The following APC2 variants were observed in gnomAD, a reference collection of about 807,000 sequenced individuals.
APC2 encodes the protein adenomatous polyposis coli protein 2.
A neutral mutation model predicts 72.5 loss-of-function variants in APC2; 41 were observed. The ratio of observed to expected loss-of-function variants is 0.57; its 90% confidence interval spans 0.44 to 0.73. The LOEUF is 0.73. Among genes scored for constraint, APC2 ranks in the 30% least tolerant of loss-of-function variants. The probability of loss-of-function intolerance (pLI) is 0.00; values close to 1 mark genes in which losing one functional copy is unlikely to be tolerated. For synonymous variants in APC2, 1,898 were observed against 1,612.0 expected (o/e 1.18, Z -4.25); for missense variants, 3,729 against 3,403.4 (o/e 1.10, Z -2.38).
intron 8 of APC2, 59 bp downstream of exon 8, chr19:1,456,463 G>A (rs2083829107): frequency 6.8e-7 from 1 of 1,475,630 alleles, no homozygotes; most frequent in African/African-American, 1.4e-5. Context: ...GGGGGATCAG[G>A]TCTGCATCCT....
Position 1,468,083 on chromosome 19 carries a change from G to T in APC2, c.4782G>T (p.Pro1594=), listed in dbSNP as rs1393018745. The change falls in exon 15 of 15, where the codon CCG becomes CCT. Residue 1594 remains proline, a synonymous_variant. Transcript: ENST00000590469. ...TCAGCGAGCCCGAGCCCTCGGAGCC[G>T]CCGGCCGTCCATCCACGAGGCCGGG... ...SSLSEPEPSE[P]PAVHPRGREP... 3 of 1,549,016 alleles carry T rather than the reference G, an allele frequency of 1.9e-6. No individual in the cohort carries two copies. Among genetic ancestry groups the T allele is most frequent in the Non-Finnish European group, 2.6e-6 (3 of 1,157,092 alleles).
intron 14 of APC2, 65 bp downstream of exon 14, chr19:1,462,242 G>C (rs1290848979): frequency 1.4e-6 from 2 of 1,428,700 alleles, no homozygotes; most frequent in East Asian, 2.5e-5. Context: ...GGGCTGGGCT[G>C]GGCACTGTCC....
chr19:1,456,509 C>A, intron 8 of APC2, 105 bp downstream of exon 8: 1 of 1,222,940 alleles, frequency 8.2e-7, no homozygotes, highest in Non-Finnish European at 1.1e-6. Flanking sequence ...CTCCATCCAG[C>A]ACCCCCTCGG....
At chr19:1,458,086 GC>G (rs2083866884) in intron 10 of APC2, 26 bp downstream of exon 10, 2 of 1,544,174 alleles carry the variant, frequency 1.3e-6, no homozygotes, top group Non-Finnish European at 8.8e-7. Context: ...CCTCTGGGAA[GC>G]CATCCTCCAG....
Position 1,470,069 on chromosome 19 carries a change from C to T in APC2, c.6768C>T (p.Phe2256=). 8 of 1,595,940 alleles carry T rather than the reference C, an allele frequency of 5.0e-6. No individual in the cohort carries two copies. Among genetic ancestry groups the T allele is most frequent in the Non-Finnish European group, 6.8e-6 (8 of 1,174,860 alleles). The stretch of plus-strand genomic sequence containing the variant: ...GCCTGGGGGTCGCCGTGGGGGGCTT[C>T]CCCGCCAGCCGGCACGGCTCCCCCA... ...HEGLGVAVGG[F]PASRHGSPSR... is the part of the protein sequence containing the mutation. The change falls in exon 15 of 15, where the codon TTC becomes TTT. Residue 2256 remains phenylalanine, a synonymous_variant. Transcript: ENST00000590469.
In APC2 at chr19:1,468,467, C is replaced by A. The variant is rs753474102; in HGVS notation, c.5166C>A (p.Ser1722=). ...SESDSILSFV[S]GLSVGSTLQP... is the part of the protein sequence containing the mutation. ...CCGACTCCATCCTGTCCTTCGTATC[C>A]GGGCTGTCAGTGGGATCCACCCTAC... The change falls in exon 15 of 15, where the codon TCC becomes TCA. Residue 1722 remains serine, a synonymous_variant. Transcript: ENST00000590469. 12 of 1,600,548 alleles carry A rather than the reference C, an allele frequency of 7.5e-6. No homozygotes were observed. Among genetic ancestry groups the A allele is most frequent in the Admixed American group, 5.1e-5 (3 of 59,014 alleles).
Position 1,465,993 on chromosome 19 carries a change from C to G in APC2, c.2692C>G (p.Pro898Ala). The G allele has an allele frequency of 3.3e-6, 5 of 1,514,698 alleles. No homozygotes were observed. The highest frequency in any genetic ancestry group is 4.4e-6 in the Non-Finnish European group (5 of 1,140,852). 93.8% of individuals were successfully genotyped at this position (1,514,698 alleles called of 1,614,324 possible). A position where few individuals can be genotyped will look rare whatever the true frequency, so the allele number is the denominator to read the frequency against. ...CCAGTCCTGCTCGCCATGCCGCGGC[C>G]CGGAGGGCGGGCGGCGAGAGGCAGG... Reference protein sequence around the residue: ...RAQSCSPCRGPEGGRREAGSR... With the variant: ...RAQSCSPCRGAEGGRREAGSR... The change falls in exon 15 of 15, where the codon CCG becomes GCG. Residue 898 changes from proline (P) to alanine (A), a missense_variant. Pro to Ala is a conservative substitution (Grantham distance 27). Transcript: ENST00000590469.
At chr19:1,458,947 G>A (rs1002643804) in intron 10 of APC2, among the ~76,000 whole-genome samples, 4 of 152,100 alleles carry the variant, frequency 2.6e-5, no homozygotes, top group African/African-American at 7.2e-5. Flanking sequence ...GCCTCCCAAA[G>A]TGCCGGGATT....
chr19:1,470,391 C>T lies in APC2; in HGVS notation c.*178C>T. 1.1e-6 allele frequency: 1 copy of T among 947,096 alleles called. No individual in the cohort carries two copies. The highest frequency in any genetic ancestry group is 1.5e-6 in the Non-Finnish European group (1 of 673,620). The allele number at this position is 947,096 out of a possible 1,614,324, so 58.7% of individuals were successfully genotyped here. On this transcript the variant is annotated 3_prime_UTR_variant, in exon 15 of 15. Transcript: ENST00000590469. The stretch of plus-strand genomic sequence containing the variant: ...GGCGACCTCGCGCCTCACCGGAAGA[C>T]CTTGCCTCTGTGCCGCGGAGGTCCA...
At chr19:1,462,284 A>G in intron 14 of APC2, 107 bp downstream of exon 14, 1 of 1,063,622 alleles carries the variant, frequency 9.4e-7, no homozygotes, top group Non-Finnish European at 1.3e-6. Flanking sequence ...AGGCTTCCCC[A>G]GGGGCTGCTG....
At position 1,466,278 on chromosome 19, in the gene APC2, A is replaced by G; in HGVS notation, c.2977A>G (p.Ile993Val). 3 of 1,533,980 alleles carry G rather than the reference A, an allele frequency of 2.0e-6. No homozygotes were observed. Among genetic ancestry groups the G allele is most frequent in the Non-Finnish European group, 2.6e-6 (3 of 1,146,914 alleles). Residue 993 changes from isoleucine (I) to valine (V), a missense_variant, in exon 15 of 15, where the codon ATC becomes GTC. Ile to Val is a conservative substitution (Grantham distance 29). Transcript: ENST00000590469. The part of the protein sequence containing the change: ...ATSADARVRT[I>V]KLSPTYQHVP... ...CTCCGCCGACGCCCGCGTGCGCACC[A>G]TCAAGCTGTCGCCTACCTATCAGCA...
In APC2 at chr19:1,468,699, G is replaced by C. The variant is rs1166895598; in HGVS notation, c.5398G>C (p.Ala1800Pro). ...GRTVIYVPSP[A>P]PRAQPKGTPG... ...AACAGTGATCTACGTCCCCAGCCCG[G>C]CACCCCGTGCCCAGCCCAAAGGGAC... The change falls in exon 15 of 15, where the codon GCA becomes CCA. Residue 1800 changes from alanine to proline, a missense_variant. Transcript: ENST00000590469. 2 of 1,539,718 alleles carry C rather than the reference G, an allele frequency of 1.3e-6. No homozygotes were observed. The highest frequency in any genetic ancestry group is 1.8e-6 in the Non-Finnish European group (2 of 1,137,032).
At chr19:1,456,201 C>G (rs199810895) in intron 7 of APC2, 48 bp downstream of exon 7, 1 of 1,552,932 alleles carries the variant, frequency 6.4e-7, no homozygotes, top group Non-Finnish European at 8.7e-7. Context: ...TCGGCCCAGG[C>G]AGAACGGGGC....
chr19:1,466,310 A>T lies in APC2; in HGVS notation c.3009A>T (p.Pro1003=), dbSNP rs1218467849. ...TGTCGCCTACCTATCAGCACGTGCCACTGCTTGAGGGTGCCTCAAGGGCGG... is the reference window on the plus strand; with the variant it reads ...TGTCGCCTACCTATCAGCACGTGCCTCTGCTTGAGGGTGCCTCAAGGGCGG... ...IKLSPTYQHV[P]LLEGASRAGA... The change falls in exon 15 of 15, where the codon CCA becomes CCT. Residue 1003 remains proline (P), a synonymous_variant. Transcript: ENST00000590469. The T allele has an allele frequency of 1.9e-6, 3 of 1,539,958 alleles. No individual in the cohort carries two copies. The East Asian group carries it at 6.8e-5, about 35-fold the overall frequency.
upstream of APC2, chr19:1,446,441 C>A: frequency 2.2e-6 from 2 of 899,058 alleles, no homozygotes; most frequent in Non-Finnish European, 2.7e-6. This position sits in a 1 kb window ranked among gnomAD's most constrained non-coding sequence, Gnocchi z 6.1. Context: ...GCGGGGGGCG[C>A]ATGGGGCGAG....
Position 1,460,789 on chromosome 19 carries a change from T to C in APC2, c.1453T>C (p.Cys485Arg). 6.2e-7 allele frequency: 1 copy of C among 1,613,022 alleles called. No homozygotes were observed. Among genetic ancestry groups the C allele is most frequent in the Non-Finnish European group, 8.5e-7 (1 of 1,179,888 alleles). Residue 485 changes from cysteine to arginine, a missense_variant, in exon 12 of 15, where the codon TGT becomes CGT. By Grantham distance (180) the Cys-to-Arg change is radical. Transcript: ENST00000590469. ...GCATAACCCCCAACAGGCCACCCTGTGTGCGCGCCGCGGCTGCATGGAGGC... is the reference window on the plus strand; with the variant it reads ...GCATAACCCCCAACAGGCCACCCTGCGTGCGCGCCGCGGCTGCATGGAGGC... ...FGDVANKATL[C>R]ARRGCMEAIV...
At position 1,458,038 on chromosome 19, in the gene APC2, C is replaced by T. The variant is rs1367275557; in HGVS notation, c.1281C>T (p.Tyr427=). ...AVMKLSFDEE[Y]RRAMNELGGL... ...TGAAGCTGTCCTTTGATGAGGAGTA[C>T]CGCCGTGCCATGAACGAGCTAGGTG... Residue 427 remains tyrosine (Y), a synonymous_variant, in exon 10 of 15, where the codon TAC becomes TAT. Coordinates refer to ENST00000590469, the MANE Select transcript of APC2 (RefSeq NM_005883.3). The T allele has an allele frequency of 1.9e-6, 3 of 1,564,938 alleles. No homozygotes were observed. Among genetic ancestry groups the T allele is most frequent in the East Asian group, 2.3e-5 (1 of 43,052 alleles).
intron 9 of APC2, 82 bp from the exon 10 acceptor site, chr19:1,457,883 G>C: frequency 8.6e-7 from 1 of 1,166,644 alleles, no homozygotes; most frequent in Non-Finnish European, 1.2e-6. Flanking sequence ...CAGGCCTGGG[G>C]CGGGCGGGTT....
Position 1,469,388 on chromosome 19 carries a change from C to A in APC2, c.6087C>A (p.Gly2029=). ...CCCAGGGCGCCTCGCCCCGCCGCGG[C>A]CGGCCCGCGCTGCCCGCCGTCTTCC... The part of the protein sequence containing the change: ...SAPQGASPRR[G]RPALPAVFLC... The change falls in exon 15 of 15, where the codon GGC becomes GGA. Residue 2029 remains glycine, a synonymous_variant. Coordinates refer to ENST00000590469, the MANE Select transcript of APC2 (RefSeq NM_005883.3). The A allele has an allele frequency of 8.2e-7, 1 of 1,219,542 alleles. No homozygotes were observed. Among genetic ancestry groups the A allele is most frequent in the Non-Finnish European group, 1.0e-6 (1 of 979,746 alleles). The allele number at this position is 1,219,542 out of a possible 1,614,324, so 75.5% of individuals were successfully genotyped here. A position where few individuals can be genotyped will look rare whatever the true frequency, so the allele number is the denominator to read the frequency against.
Sources: allele counts gnomAD v4.1 joint callset (sites outside exome capture counted in the v4.1 genomes callset), GRCh38; gene constraint gnomAD v4.1.1; non-coding constraint Gnocchi (gnomAD v3.1); transcripts MANE v1.5; gene names NCBI Gene and HGNC (gene_info 2026-07-23, HGNC 2026-07-21).